The following GALNTL6 variants were observed in gnomAD, a reference collection of about 807,000 sequenced individuals.
The protein encoded by GALNTL6 is polypeptide N-acetylgalactosaminyltransferase like 6, also known as polypeptide N-acetylgalactosaminyltransferase-like 6.
Under a neutral mutation model 73.7 loss-of-function variants are expected in GALNTL6, and 46 were observed. The ratio of observed to expected loss-of-function variants is 0.62; its 90% CI spans 0.49 to 0.80. The LOEUF (loss-of-function observed/expected upper bound fraction) is 0.80. GALNTL6 is among the 30% of genes least tolerant of loss of function. GALNTL6 has a pLI of 0.00. For missense variants in GALNTL6, 604 were observed against 755.0 expected, an observed-to-expected ratio of 0.80 and a Z score of 2.34; for synonymous variants, 259 against 263.7, an observed-to-expected ratio of 0.98 and a Z score of 0.17.
intron 2 of GALNTL6, among the ~76,000 whole-genome samples, chr4:172,043,171 CA>C (rs1742132027): frequency 6.6e-6 from 1 of 152,004 alleles, no homozygotes; most frequent in Admixed American, 6.6e-5. Flanking sequence ...GGCTTTTGTA[CA>C]ATCATTTCTT....
chr4:172,666,005 A>AT (rs539414059), intron 5 of GALNTL6, among the ~76,000 whole-genome samples: 1 of 152,004 alleles, frequency 6.6e-6, no homozygotes, highest in African/African-American at 2.4e-5. Context: ...CTGATCTGGA[A>AT]TTTTTTATCT....
rs576137033 is a variant in GALNTL6 at position 172,509,118 on chromosome 4, A to C, written c.553+160429A>C. Among the ~76,000 whole-genome samples, 81 of 50,586 alleles carry C rather than the reference A, an allele frequency of 1.6e-3. 32 individuals carry two copies. Among genetic ancestry groups the C allele is most frequent in the Admixed American group, 0.012 (40 of 3,344 alleles). The allele number at this position is 50,586 out of a possible 152,430, so 33.2% of individuals were successfully genotyped here. A position where few individuals can be genotyped will look rare whatever the true frequency, so the allele number is the denominator to read the frequency against. The stretch of plus-strand genomic sequence containing the variant: ...TACCACCACATCCATGAGAACATCT[A>C]TTATTTTTTTATTATGGTCATTCTT... On this transcript the variant is annotated intron_variant, in intron 5 of 12. Transcript: ENST00000506823.
chr4:171,894,841 C>CT (rs147090405), intron 2 of GALNTL6, among the ~76,000 whole-genome samples: 111 of 148,964 alleles, frequency 7.5e-4, no homozygotes, highest in African/African-American at 2.2e-3. Context: ...CAAAGACTGA[C>CT]TTTTTTTTTT....
At chr4:172,545,233 G>A (rs371420258) in intron 5 of GALNTL6, among the ~76,000 whole-genome samples, 21 of 152,138 alleles carry the variant, frequency 1.4e-4, no homozygotes, top group African/African-American at 4.1e-4. Flanking sequence ...GAGGTAATAT[G>A]ATATGGCTAC....
intron 5 of GALNTL6, among the ~76,000 whole-genome samples, chr4:172,798,062 C>T (rs182276332): frequency 1.8e-4 from 27 of 152,200 alleles, no homozygotes; most frequent in African/African-American, 6.0e-4. Context: ...TTACTGGGGG[C>T]CTGTGACTTC....
intron 5 of GALNTL6, among the ~76,000 whole-genome samples, chr4:172,482,895 A>T (rs1228549996): frequency 6.6e-6 from 1 of 152,134 alleles, no homozygotes; most frequent in East Asian, 1.9e-4. Flanking sequence ...ATTTATAAAA[A>T]CTCTAAAGAT....
chr4:171,962,094 A>T (rs2111048708), intron 2 of GALNTL6, among the ~76,000 whole-genome samples: 1 of 152,334 alleles, frequency 6.6e-6, no homozygotes, highest in East Asian at 1.9e-4. Flanking sequence ...CTCTACTGTG[A>T]ATACAAGACA....
At chr4:172,647,927 C>A (rs1740310466) in intron 5 of GALNTL6, among the ~76,000 whole-genome samples, 2 of 152,122 alleles carry the variant, frequency 1.3e-5, no homozygotes, top group African/African-American at 4.8e-5. Flanking sequence ...AGACACTTGT[C>A]AAGGAAGCCA....
At chr4:172,190,966 G>T (rs1723792202) in intron 2 of GALNTL6, among the ~76,000 whole-genome samples, 1 of 152,046 alleles carries the variant, frequency 6.6e-6, no homozygotes, top group Admixed American at 6.5e-5. Flanking sequence ...TTTTTCCTAG[G>T]TCTGCTTCCA....
intron 5 of GALNTL6, among the ~76,000 whole-genome samples, chr4:172,640,529 G>C (rs1739924096): frequency 6.6e-6 from 1 of 152,126 alleles, no homozygotes; most frequent in Admixed American, 6.6e-5. Flanking sequence ...GGAAGTCCCA[G>C]ATCAAGGGGT....
At chr4:172,245,296 G>C (rs774942174) in intron 3 of GALNTL6, among the ~76,000 whole-genome samples, 1 of 152,050 alleles carries the variant, frequency 6.6e-6, no homozygotes, top group East Asian at 1.9e-4. Flanking sequence ...TTTTACCTCA[G>C]CTCAAATGCT....
intron 2 of GALNTL6, among the ~76,000 whole-genome samples, chr4:171,974,047 T>C (rs186971598): frequency 1.3e-5 from 2 of 152,174 alleles, no homozygotes; most frequent in African/African-American, 2.4e-5. Flanking sequence ...TCACCCAGGC[T>C]GGAGTGCAGT....
chr4:172,278,186 A>G (rs1738901897), intron 3 of GALNTL6, among the ~76,000 whole-genome samples: 1 of 152,064 alleles, frequency 6.6e-6, no homozygotes, highest in Admixed American at 6.6e-5. Context: ...ATTTTTAATC[A>G]CACTTTCCCA....
chr4:172,398,936 AC>A (rs1438609425), intron 5 of GALNTL6, among the ~76,000 whole-genome samples: 2 of 152,086 alleles, frequency 1.3e-5, no homozygotes, highest in Non-Finnish European at 2.9e-5. Flanking sequence ...GCCCACCTCC[AC>A]AGAGACTCAA....
At chr4:171,993,809 T>C (rs1431828270) in intron 2 of GALNTL6, among the ~76,000 whole-genome samples, 2 of 151,602 alleles carry the variant, frequency 1.3e-5, no homozygotes, top group African/African-American at 4.8e-5. Flanking sequence ...TATACATATA[T>C]ATGTATATAT....
chr4:172,364,331 T>C (rs533930555), intron 5 of GALNTL6, among the ~76,000 whole-genome samples: 6 of 152,142 alleles, frequency 3.9e-5, no homozygotes, highest in Non-Finnish European at 8.8e-5. Context: ...TGTGGGAGGA[T>C]GGCTTGAGCT....
At chr4:172,712,062 A>G (rs1303714880) in intron 5 of GALNTL6, among the ~76,000 whole-genome samples, 3 of 152,158 alleles carry the variant, frequency 2.0e-5, no homozygotes, top group South Asian at 2.1e-4. Flanking sequence ...TTAACAATCA[A>G]TATTTTTCCA....
chr4:172,950,019 T>C (rs755917971), intron 9 of GALNTL6, among the ~76,000 whole-genome samples: 12 of 152,052 alleles, frequency 7.9e-5, no homozygotes, highest in Non-Finnish European at 8.8e-5. Context: ...ATACAGAATG[T>C]TTGTCAAAAT....
chr4:172,589,128 A>G (rs934032482), intron 5 of GALNTL6, among the ~76,000 whole-genome samples: 2 of 152,178 alleles, frequency 1.3e-5, no homozygotes, highest in African/African-American at 2.4e-5. Flanking sequence ...ATAATGGGAA[A>G]ATAGGAGAAA....
Sources: allele counts gnomAD v4.1 joint callset (sites outside exome capture counted in the v4.1 genomes callset), GRCh38; gene constraint gnomAD v4.1.1; transcripts MANE v1.5; gene names NCBI Gene and HGNC (gene_info 2026-07-23, HGNC 2026-07-21).